KLHL29: variants seen among roughly 807,000 people sequenced by gnomAD.
The protein encoded by KLHL29 is kelch-like protein 29.
A neutral mutation model predicts 80.4 loss-of-function variants in KLHL29; 21 were observed. The observed-to-expected ratio is 0.26, with a 90% CI of 0.19 to 0.38. KLHL29 has a LOEUF of 0.38. Among genes scored for constraint, KLHL29 ranks in the 10% least tolerant of loss-of-function variants. The probability of loss-of-function intolerance (pLI) is 1.00; values close to 1 mark genes in which losing one functional copy is unlikely to be tolerated. For synonymous variants in KLHL29, 511 were observed against 526.8 expected (o/e 0.97, Z 0.41); for missense variants, 867 against 1,223.9 (o/e 0.71, Z 4.35).
rs1349855239 is a variant in KLHL29 at position 23,640,920 on chromosome 2, C to T, written c.428-1418C>T. Among the ~76,000 whole-genome samples the T allele has an allele frequency of 2.6e-5, 4 of 152,308 alleles. No homozygotes were observed. In the South Asian group the frequency reaches 8.3e-4, roughly 32 times the overall value. ...CTGGTAGTGACCCGCCATCTTAGCT[C>T]CTGCCCCACCTCGGCGCCATTTTCT... On this transcript the variant is annotated intron_variant, in intron 4 of 13. Coordinates refer to ENST00000486442, the MANE Select transcript of KLHL29 (RefSeq NM_052920.2).
At chr2:23,698,978 T>C (rs997025509) in intron 11 of KLHL29, among the ~76,000 whole-genome samples, 1 of 152,242 alleles carries the variant, frequency 6.6e-6, no homozygotes, top group Admixed American at 6.5e-5. Context: ...CCCTGCCATA[T>C]TGGCTTAAAA....
intron 1 of KLHL29, among the ~76,000 whole-genome samples, chr2:23,423,723 TCCTCCTGGG>T (rs1320402375): frequency 6.6e-6 from 1 of 151,968 alleles, no homozygotes; most frequent in Non-Finnish European, 1.5e-5. Context: ...ATCTCGCTGG[TCCTCCTGGG>T]CCTCAGCTGG....
intron 1 of KLHL29, among the ~76,000 whole-genome samples, chr2:23,402,870 G>T (rs1319248995): frequency 6.6e-6 from 1 of 151,338 alleles, no homozygotes; most frequent in East Asian, 1.9e-4. Flanking sequence ...GTATATATAT[G>T]TACATATACA....
intron 1 of KLHL29, among the ~76,000 whole-genome samples, chr2:23,421,397 C>T (rs961991570): frequency 2.0e-5 from 3 of 152,176 alleles, no homozygotes; most frequent in African/African-American, 7.2e-5. Flanking sequence ...AAGTGGAGGC[C>T]GTCTCTGCCT....
intron 5 of KLHL29, among the ~76,000 whole-genome samples, chr2:23,674,679 G>C (rs910799788): frequency 6.6e-6 from 1 of 152,090 alleles, no homozygotes; most frequent in Non-Finnish European, 1.5e-5. Context: ...ACAGGAGGAG[G>C]AGTGAGACCC....
chr2:23,409,728 A>G (rs551207159), intron 1 of KLHL29, among the ~76,000 whole-genome samples: 9 of 152,204 alleles, frequency 5.9e-5, no homozygotes, highest in Non-Finnish European at 1.3e-4. Flanking sequence ...GAGCAAAACC[A>G]TGCCTGGTTC....
chr2:23,482,437 G>A (rs1324637364), intron 2 of KLHL29, among the ~76,000 whole-genome samples: 1 of 152,236 alleles, frequency 6.6e-6, no homozygotes, highest in Non-Finnish European at 1.5e-5. Context: ...CATGGGTGCT[G>A]ACCCCCAGCC....
intron 2 of KLHL29, among the ~76,000 whole-genome samples, chr2:23,541,254 T>C (rs957832925): frequency 6.6e-6 from 1 of 152,206 alleles, no homozygotes; most frequent in African/African-American, 2.4e-5. Flanking sequence ...GATGGATGCA[T>C]GGGTGGATGC....
chr2:23,562,615 C>T lies in KLHL29; in HGVS notation c.285+134C>T, dbSNP rs539472739. The T allele has an allele frequency of 6.5e-5, 57 of 872,910 alleles. No homozygotes were observed. The highest frequency in any genetic ancestry group is 8.7e-5 in the Non-Finnish European group (51 of 589,498). 54.1% of individuals were successfully genotyped at this position (872,910 alleles called of 1,614,324 possible). A position where few individuals can be genotyped will look rare whatever the true frequency, so the allele number is the denominator to read the frequency against. ...CCGAGTCCTCCAGAGTCTTGTCCTT[C>T]CAGGACCTGGGCCTGGAAACTGTTT... On this transcript the variant is annotated intron_variant, in intron 3 of 13. Coordinates refer to ENST00000486442, the MANE Select transcript of KLHL29 (RefSeq NM_052920.2). The surrounding 1 kb of genome is among the most constrained non-coding windows in gnomAD (Gnocchi z 4.5).
intron 1 of KLHL29, among the ~76,000 whole-genome samples, chr2:23,406,066 C>T (rs1381361195): frequency 2.6e-5 from 4 of 152,138 alleles, no homozygotes. Context: ...TGGTGGCTCA[C>T]GCCTGTACTC....
chr2:23,422,445 CTG>C (rs1470506138), intron 1 of KLHL29, among the ~76,000 whole-genome samples: 1 of 142,028 alleles, frequency 7.0e-6, no homozygotes, highest in East Asian at 2.2e-4. Flanking sequence ...TTGTATGTTC[CTG>C]TGTGTTGTGT....
chr2:23,654,414 A>G (rs1430937014), intron 5 of KLHL29, among the ~76,000 whole-genome samples: 1 of 152,202 alleles, frequency 6.6e-6, no homozygotes, highest in Non-Finnish European at 1.5e-5. Flanking sequence ...CCATCTGCTC[A>G]TGTGAACAGG....
At chr2:23,402,960 T>C (rs1666630831) in intron 1 of KLHL29, among the ~76,000 whole-genome samples, 2 of 150,438 alleles carry the variant, frequency 1.3e-5, no homozygotes, top group Admixed American at 1.3e-4. Context: ...TGTATGTATA[T>C]ATATCTTATA....
intron 2 of KLHL29, among the ~76,000 whole-genome samples, chr2:23,554,063 G>A (rs770372666): frequency 7.2e-5 from 11 of 152,184 alleles, no homozygotes; most frequent in South Asian, 2.1e-4. Flanking sequence ...GGCTCCATGG[G>A]GCTGGGGGTC....
intron 2 of KLHL29, among the ~76,000 whole-genome samples, chr2:23,497,993 C>T (rs1177891346): frequency 6.6e-6 from 1 of 152,040 alleles, no homozygotes; most frequent in Non-Finnish European, 1.5e-5. Context: ...TTAAGGTGTG[C>T]AGCACAATGT....
At chr2:23,633,134 C>G (rs1369054458) in intron 3 of KLHL29, among the ~76,000 whole-genome samples, 1 of 152,098 alleles carries the variant, frequency 6.6e-6, no homozygotes, top group African/African-American at 2.4e-5. Context: ...TTGTGGGGAG[C>G]CCAGAGATGG....
At chr2:23,502,395 A>G (rs557285215) in intron 2 of KLHL29, among the ~76,000 whole-genome samples, 1 of 152,350 alleles carries the variant, frequency 6.6e-6, no homozygotes, top group Non-Finnish European at 1.5e-5. Context: ...TCGGAGGCTC[A>G]CTAGTGGGCG....
At chr2:23,495,676 C>T (rs866760782) in intron 2 of KLHL29, among the ~76,000 whole-genome samples, 82 of 152,170 alleles carry the variant, frequency 5.4e-4, no homozygotes, top group African/African-American at 1.8e-3. Flanking sequence ...ACAGCTCCAG[C>T]GAGAGTGACG....
chr2:23,631,069 G>A (rs553389734), intron 3 of KLHL29, among the ~76,000 whole-genome samples: 5 of 152,290 alleles, frequency 3.3e-5, no homozygotes, highest in South Asian at 4.1e-4. Context: ...CCACCAAGCC[G>A]AGGATCACAG....
Sources: allele counts gnomAD v4.1 joint callset (sites outside exome capture counted in the v4.1 genomes callset), GRCh38; gene constraint gnomAD v4.1.1; non-coding constraint Gnocchi (gnomAD v3.1); transcripts MANE v1.5; gene names NCBI Gene and HGNC (gene_info 2026-07-23, HGNC 2026-07-21).